IFT25: variants seen among roughly 807,000 people sequenced by gnomAD.
IFT25 encodes intraflagellar transport 25.
the IFT25 span, chr1:53,917,068 C>T: frequency 2.5e-5 from 5 of 198,700 alleles, no homozygotes; most frequent in Non-Finnish European, 5.0e-5. Context: ...CGCTTGAACC[C>T]GGGAGACGGA....
chr1:53,945,603 T>G, the IFT25 span: 1 of 152,420 alleles, frequency 6.6e-6, no homozygotes, highest in Non-Finnish European at 1.5e-5. Flanking sequence ...GCTCGAAACC[T>G]CCCTTGCGCC....
the IFT25 span, among the ~76,000 whole-genome samples, chr1:53,915,672 C>T: frequency 6.6e-6 from 1 of 152,130 alleles, no homozygotes; most frequent in South Asian, 2.1e-4. Context: ...CAGAGAAAGG[C>T]TTATTGAGAA....
the IFT25 span, among the ~76,000 whole-genome samples, chr1:53,922,476 G>A: frequency 1.3e-3 from 194 of 151,640 alleles, 1 homozygote; most frequent in African/African-American, 4.2e-3. Flanking sequence ...CTCAGAATAC[G>A]CTACCCTGAA....
the IFT25 span, among the ~76,000 whole-genome samples, chr1:53,931,665 C>T: frequency 6.6e-6 from 1 of 152,140 alleles, no homozygotes; most frequent in Non-Finnish European, 1.5e-5. Context: ...TAAATTTGTT[C>T]TTTATATATG....
chr1:53,945,283 G>T, the IFT25 span, among the ~76,000 whole-genome samples: 1 of 152,194 alleles, frequency 6.6e-6, no homozygotes, highest in Non-Finnish European at 1.5e-5. Flanking sequence ...AATTAATTTC[G>T]ATTTACAACT....
the IFT25 span, among the ~76,000 whole-genome samples, chr1:53,944,936 A>C: frequency 2.0e-5 from 3 of 152,110 alleles, no homozygotes; most frequent in African/African-American, 4.8e-5. Flanking sequence ...CTCCCTGACC[A>C]GCTCCCTTGG....
chr1:53,935,931 A>T, the IFT25 span, among the ~76,000 whole-genome samples: 1 of 152,196 alleles, frequency 6.6e-6, no homozygotes, highest in Non-Finnish European at 1.5e-5. Context: ...GAACATAACC[A>T]ATAGAATAAC....
the IFT25 span, among the ~76,000 whole-genome samples, chr1:53,922,590 T>C: frequency 2.0e-5 from 3 of 152,166 alleles, no homozygotes; most frequent in South Asian, 6.2e-4. Context: ...AGTAATTCTA[T>C]TCCTTGAAAT....
At chr1:53,939,459 G>A in the IFT25 span, among the ~76,000 whole-genome samples, 1 of 150,334 alleles carries the variant, frequency 6.7e-6, no homozygotes, top group Non-Finnish European at 1.5e-5. Flanking sequence ...TGAAGTCTAA[G>A]AACAATATTT....
chr1:53,922,249 C>T, the IFT25 span, among the ~76,000 whole-genome samples: 1 of 152,114 alleles, frequency 6.6e-6, no homozygotes, highest in Non-Finnish European at 1.5e-5. Context: ...ACGAAATTAG[C>T]TGGGCGTGGT....
the IFT25 span, among the ~76,000 whole-genome samples, chr1:53,930,821 A>G: frequency 6.6e-6 from 1 of 152,222 alleles, no homozygotes; most frequent in Non-Finnish European, 1.5e-5. Flanking sequence ...GACACATGCT[A>G]AATGTTTGTT....
At chr1:53,945,396 C>G in the IFT25 span, among the ~76,000 whole-genome samples, 1 of 152,164 alleles carries the variant, frequency 6.6e-6, no homozygotes. Flanking sequence ...GGGCCCGCGT[C>G]AGACCTCCCG....
At chr1:53,920,691 G>C in the IFT25 span, among the ~76,000 whole-genome samples, 1 of 152,340 alleles carries the variant, frequency 6.6e-6, no homozygotes, top group African/African-American at 2.4e-5. Context: ...AGAGGGCCGG[G>C]TGTGGTGGCT....
At chr1:53,934,000 C>T in the IFT25 span, among the ~76,000 whole-genome samples, 6 of 151,954 alleles carry the variant, frequency 3.9e-5, no homozygotes, top group African/African-American at 1.5e-4. Context: ...TAATATATCC[C>T]ATAATACAGT....
chr1:53,932,495 ACTAT>A, the IFT25 span, among the ~76,000 whole-genome samples: 18 of 152,222 alleles, frequency 1.2e-4, no homozygotes, highest in Admixed American at 6.5e-4. Flanking sequence ...CAGAGAACAT[ACTAT>A]CTAAGATTTT....
chr1:53,921,826 G>A, the IFT25 span: 4 of 1,018,260 alleles, frequency 3.9e-6, no homozygotes, highest in East Asian at 9.5e-5. Context: ...CTGTTAACAA[G>A]CAGTTAGCAA....
the IFT25 span, chr1:53,940,065 G>C: frequency 6.2e-7 from 1 of 1,604,488 alleles, no homozygotes; most frequent in Non-Finnish European, 8.5e-7. Context: ...AGCTCAGACA[G>C]AGATCAATTT....
chr1:53,914,116 G>T, the IFT25 span, among the ~76,000 whole-genome samples: 1 of 152,060 alleles, frequency 6.6e-6, no homozygotes, highest in Admixed American at 6.5e-5. Flanking sequence ...TATTAACCTC[G>T]AGGCTCTCTG....
the IFT25 span, among the ~76,000 whole-genome samples, chr1:53,919,517 C>G: frequency 6.6e-6 from 1 of 152,162 alleles, no homozygotes. Context: ...GAGTTGCCAG[C>G]TGACCACAGA....
Sources: gnomAD v4.1 joint callset for allele counts (sites outside exome capture counted in the v4.1 genomes callset) on GRCh38, gnomAD v4.1.1 for gene constraint, MANE v1.5 for transcripts, NCBI Gene and HGNC (gene_info 2026-07-23, HGNC 2026-07-21) for gene names.